Variants in DPP6 observed in about 807,000 individuals in gnomAD.
DPP6 encodes the protein dipeptidyl peptidase like 6.
A neutral mutation model predicts 122.6 loss-of-function variants in DPP6; 69 were observed. The ratio of observed to expected loss-of-function variants is 0.56; its 90% CI spans 0.46 to 0.69. The LOEUF is 0.69. DPP6 is among the 30% of genes least tolerant of loss of function. The pLI is 0.00. For synonymous variants in DPP6, 418 were observed against 433.1 expected (o/e 0.97, Z 0.43); for missense variants, 928 against 1,116.9 (o/e 0.83, Z 2.41).
At chr7:154,161,224 G>A (rs1268721111) in intron 1 of DPP6, among the ~76,000 whole-genome samples, 1 of 152,296 alleles carries the variant, frequency 6.6e-6, no homozygotes, top group African/African-American at 2.4e-5. Flanking sequence ...CTGCTGATAA[G>A]AACACATTAC....
intron 4 of DPP6, among the ~76,000 whole-genome samples, chr7:154,555,319 A>G (rs920782309): frequency 1.3e-5 from 2 of 152,184 alleles, no homozygotes; most frequent in Non-Finnish European, 1.5e-5. Context: ...CTTTGTAGGG[A>G]CATGGATGAA....
intron 5 of DPP6, among the ~76,000 whole-genome samples, chr7:154,576,720 C>T (rs1304240973): frequency 1.3e-5 from 2 of 152,110 alleles, no homozygotes; most frequent in African/African-American, 4.8e-5. Context: ...AAATACCAGG[C>T]TCTTGGGGGA....
At chr7:154,764,664 T>C (rs1795791110) in intron 8 of DPP6, among the ~76,000 whole-genome samples, 1 of 152,212 alleles carries the variant, frequency 6.6e-6, no homozygotes, top group Non-Finnish European at 1.5e-5. Context: ...GAAAGAGGCC[T>C]CTCTGTATTC....
chr7:153,975,746 G>GA (rs199708607), intron 1 of DPP6, among the ~76,000 whole-genome samples: 2 of 151,910 alleles, frequency 1.3e-5, no homozygotes, highest in East Asian at 1.9e-4. Context: ...AATCCTTCAA[G>GA]AAAAAAGGAA....
At chr7:154,681,691 G>A (rs970696764) in intron 7 of DPP6, among the ~76,000 whole-genome samples, 1 of 152,178 alleles carries the variant, frequency 6.6e-6, no homozygotes, top group Non-Finnish European at 1.5e-5. Context: ...CGTTTGGGTG[G>A]AGGGAACACC....
chr7:154,350,267 G>C (rs1016046367), intron 1 of DPP6, among the ~76,000 whole-genome samples: 3 of 152,154 alleles, frequency 2.0e-5, no homozygotes, highest in African/African-American at 4.8e-5. Context: ...CTGAGACACT[G>C]GTGTAAGGTT....
At chr7:154,147,179 C>T (rs1219826695) in intron 1 of DPP6, among the ~76,000 whole-genome samples, 1 of 151,908 alleles carries the variant, frequency 6.6e-6, no homozygotes, top group African/African-American at 2.4e-5. Flanking sequence ...CAAAATAACA[C>T]AGGATTGGTC....
chr7:153,968,266 G>T (rs1795854058), intron 1 of DPP6, among the ~76,000 whole-genome samples: 1 of 151,162 alleles, frequency 6.6e-6, no homozygotes, highest in Non-Finnish European at 1.5e-5. Flanking sequence ...GCATGAGACG[G>T]TATGTCATTG....
chr7:154,289,383 ATC>A (rs1258795219), intron 1 of DPP6, among the ~76,000 whole-genome samples: 2 of 152,292 alleles, frequency 1.3e-5, no homozygotes, highest in East Asian at 3.9e-4. Flanking sequence ...AGCCCTTCCC[ATC>A]TGATCCTGAC....
chr7:154,359,106 G>C (rs1811511347), intron 1 of DPP6, among the ~76,000 whole-genome samples: 1 of 152,230 alleles, frequency 6.6e-6, no homozygotes, highest in South Asian at 2.1e-4. Context: ...ACATACCCAA[G>C]AAGACTGAAG....
At chr7:153,778,625 A>G in the DPP6 span, among the ~76,000 whole-genome samples, 2 of 151,584 alleles carry the variant, frequency 1.3e-5, no homozygotes, top group African/African-American at 2.4e-5. Flanking sequence ...GAATAGTTTC[A>G]CCACCTCAAA....
intron 1 of DPP6, among the ~76,000 whole-genome samples, chr7:153,940,363 T>G (rs1318496031): frequency 1.3e-5 from 2 of 151,842 alleles, no homozygotes; most frequent in African/African-American, 4.8e-5. Flanking sequence ...GCAACTTAAG[T>G]GTTGAAGTCA....
rs546590996 is a variant in DPP6, at chr7:154,324,241, G to A, written c.244-121973G>A. ...TTACATGCACAGCAGGTTGCTTGGG[G>A]AGCTGATGTCTGCTCCTAGCCTTTC... On this transcript the variant is annotated intron_variant, in intron 1 of 25. Transcript: ENST00000377770. 1.1e-4 allele frequency among the ~76,000 whole-genome samples: 17 copies of A among 152,312 alleles called. No individual in the cohort carries two copies. In the East Asian group the frequency reaches 2.1e-3, roughly 19 times the overall value.
intron 5 of DPP6, among the ~76,000 whole-genome samples, chr7:154,568,500 G>A (rs1287099201): frequency 6.6e-6 from 1 of 152,192 alleles, no homozygotes; most frequent in Non-Finnish European, 1.5e-5. Flanking sequence ...TGTGACAGAG[G>A]GGTTCCCGCA....
At chr7:154,614,878 T>A (rs1445791152) in intron 5 of DPP6, among the ~76,000 whole-genome samples, 1 of 152,206 alleles carries the variant, frequency 6.6e-6, no homozygotes, top group Non-Finnish European at 1.5e-5. Context: ...GTTGTTGTCT[T>A]CCAATTCCCA....
chr7:154,235,610 CA>C (rs1378065811), intron 1 of DPP6, among the ~76,000 whole-genome samples: 1 of 151,412 alleles, frequency 6.6e-6, no homozygotes, highest in Non-Finnish European at 1.5e-5. Context: ...AGCCCCTTTC[CA>C]CATAGGTTAG....
intron 8 of DPP6, among the ~76,000 whole-genome samples, chr7:154,748,392 G>A (rs890422218): frequency 3.9e-5 from 6 of 152,198 alleles, no homozygotes; most frequent in African/African-American, 1.2e-4. Context: ...GGGCACAGCC[G>A]TTACCCTTCC....
At chr7:154,826,318 G>A (rs970116411) in intron 16 of DPP6, among the ~76,000 whole-genome samples, 2 of 152,152 alleles carry the variant, frequency 1.3e-5, no homozygotes, top group Non-Finnish European at 2.9e-5. Flanking sequence ...ATTAAATTGG[G>A]TGTATATTCT....
chr7:153,915,834 A>G (rs777665025), intron 1 of DPP6, among the ~76,000 whole-genome samples: 1 of 152,212 alleles, frequency 6.6e-6, no homozygotes, highest in East Asian at 1.9e-4. Flanking sequence ...AATAAATAAT[A>G]TGTTTAGACA....
Sources: allele counts gnomAD v4.1 joint callset (sites outside exome capture counted in the v4.1 genomes callset), GRCh38; gene constraint gnomAD v4.1.1; transcripts MANE v1.5; gene names NCBI Gene and HGNC (gene_info 2026-07-23, HGNC 2026-07-21).